The following PBX1 variants were observed in gnomAD, a reference collection of about 807,000 sequenced individuals.
The protein encoded by PBX1 is pre-B-cell leukemia transcription factor 1.
A neutral mutation model predicts 53.4 loss-of-function variants in PBX1; 6 were observed. That is an observed-to-expected ratio of 0.11 (90% confidence interval 0.06 to 0.22). PBX1 has a LOEUF of 0.22. Ranked by LOEUF, PBX1 falls within the 10% of genes least tolerant of loss-of-function variation. The pLI is 1.00. For missense variants in PBX1, 251 were observed against 551.4 expected (o/e 0.46, Z 5.46); for synonymous variants, 204 against 212.3 (o/e 0.96, Z 0.34).
intron 1 of PBX1, chr1:164,560,356 T>G (rs1046605732): frequency 2.5e-6 from 1 of 397,584 alleles, no homozygotes; most frequent in African/African-American, 2.1e-5. Flanking sequence ...TAAAAAAGTA[T>G]CAGAGAAAGC....
intron 1 of PBX1, among the ~76,000 whole-genome samples, chr1:164,560,947 T>G (rs1024340077): frequency 6.6e-6 from 1 of 152,194 alleles, no homozygotes; most frequent in Non-Finnish European, 1.5e-5. Context: ...TAATAAACTG[T>G]GTAGCCTCTC....
chr1:164,744,553 G>A (rs1349408853), intron 2 of PBX1, among the ~76,000 whole-genome samples: 1 of 152,158 alleles, frequency 6.6e-6, no homozygotes, highest in Non-Finnish European at 1.5e-5. Context: ...TAAGACAGAG[G>A]TAGGGTCTCA....
At chr1:164,635,787 C>T (rs757987234) in intron 2 of PBX1, among the ~76,000 whole-genome samples, 1 of 152,204 alleles carries the variant, frequency 6.6e-6, no homozygotes, top group Admixed American at 6.5e-5. Flanking sequence ...TCTCCTATAG[C>T]CAGACTCCTT....
chr1:164,855,904 G>C (rs766641240), downstream of PBX1, among the ~76,000 whole-genome samples: 4 of 152,070 alleles, frequency 2.6e-5, no homozygotes, highest in Non-Finnish European at 5.9e-5. Flanking sequence ...TGTAAAATGG[G>C]TCCTCTCCAG....
chr1:164,786,199 A>T (rs759345006), intron 2 of PBX1, among the ~76,000 whole-genome samples: 10 of 152,100 alleles, frequency 6.6e-5, no homozygotes, highest in Non-Finnish European at 1.2e-4. Flanking sequence ...TTGATTCTTT[A>T]TTATATTGCT....
At chr1:164,740,740 C>T (rs1250326657) in intron 2 of PBX1, among the ~76,000 whole-genome samples, 5 of 152,266 alleles carry the variant, frequency 3.3e-5, no homozygotes, top group Non-Finnish European at 7.3e-5. Flanking sequence ...TCTCAAGGAA[C>T]TTGCAGTTGG....
chr1:164,864,489 C>G (rs1672170746), intron 2 of PBX1, among the ~76,000 whole-genome samples: 1 of 152,152 alleles, frequency 6.6e-6, no homozygotes, highest in African/African-American at 2.4e-5. Flanking sequence ...ATATTTTAAT[C>G]TGATCATTAA....
At chr1:164,830,348 T>A (rs780853249) in intron 8 of PBX1, among the ~76,000 whole-genome samples, 18 of 152,156 alleles carry the variant, frequency 1.2e-4, no homozygotes, top group Non-Finnish European at 2.2e-4. Flanking sequence ...GTTAGAGGTG[T>A]CACCATGCTG....
At chr1:164,614,254 A>G (rs1322066941) in intron 2 of PBX1, among the ~76,000 whole-genome samples, 1 of 152,204 alleles carries the variant, frequency 6.6e-6, no homozygotes, top group Admixed American at 6.5e-5. Flanking sequence ...CTGATTTTAC[A>G]AATGAGGAGA....
chr1:164,580,677 A>G (rs892609249), intron 2 of PBX1, among the ~76,000 whole-genome samples: 2 of 151,986 alleles, frequency 1.3e-5, no homozygotes, highest in African/African-American at 4.8e-5. Context: ...CCTGGGTTCA[A>G]GCGATTCTCC....
intron 2 of PBX1, among the ~76,000 whole-genome samples, chr1:164,574,974 T>TA (rs78179062): frequency 6.6e-4 from 95 of 143,060 alleles, no homozygotes; most frequent in South Asian, 1.3e-3. Flanking sequence ...AGAGTGAGAC[T>TA]AAAAAAAAAA....
At chr1:164,820,604 A>G (rs1201196586) in intron 7 of PBX1, among the ~76,000 whole-genome samples, 1 of 152,196 alleles carries the variant, frequency 6.6e-6, no homozygotes, top group Non-Finnish European at 1.5e-5. Context: ...AAGCAAATAT[A>G]TTACTATCGG....
At position 164,849,670 on chromosome 1, in the gene PBX1, C is replaced by T. The variant is rs1213289; in HGVS notation, c.*2994C>T. 392,961 of 403,114 alleles carry T rather than the reference C, an allele frequency of 0.97. 192,293 individuals carry two copies. Among genetic ancestry groups the T allele is most frequent in the East Asian group, 1 (26,567 of 26,568 alleles). The allele number at this position is 403,114 out of a possible 1,614,324, so 25.0% of individuals were successfully genotyped here. A position where few individuals can be genotyped will look rare whatever the true frequency, so the allele number is the denominator to read the frequency against. ...TTATCTCCTCCTTTTCATCCCTAATCCATCCTCCCTCTGGCATGGAATTGA... is the reference window on the plus strand; with the variant it reads ...TTATCTCCTCCTTTTCATCCCTAATTCATCCTCCCTCTGGCATGGAATTGA... On this transcript the variant is annotated 3_prime_UTR_variant, in exon 9 of 9. Transcript: ENST00000420696.
chr1:164,606,362 C>A (rs111524522), intron 2 of PBX1, among the ~76,000 whole-genome samples: 5,548 of 152,122 alleles, frequency 0.036, 130 homozygotes, highest in African/African-American at 0.049. Context: ...TGGTGGTGGA[C>A]GCCTGTATTC....
intron 2 of PBX1, among the ~76,000 whole-genome samples, chr1:164,566,782 T>C (rs1182694352): frequency 6.6e-6 from 1 of 152,234 alleles, no homozygotes; most frequent in East Asian, 1.9e-4. Flanking sequence ...AGAATATTTA[T>C]AGATAGCAAT....
At chr1:164,675,365 C>A (rs1027832916) in intron 2 of PBX1, among the ~76,000 whole-genome samples, 16 of 151,998 alleles carry the variant, frequency 1.1e-4, no homozygotes, top group African/African-American at 3.6e-4. Context: ...AAAGTAATTG[C>A]GGTTTTTGCC....
chr1:164,858,582 T>C (rs1028822448), intron 2 of PBX1, among the ~76,000 whole-genome samples: 1 of 152,142 alleles, frequency 6.6e-6, no homozygotes, highest in Non-Finnish European at 1.5e-5. Context: ...GTTTCCTTTA[T>C]GGATCTTGTA....
intron 2 of PBX1, among the ~76,000 whole-genome samples, chr1:164,670,935 C>T (rs1053163523): frequency 2.0e-5 from 3 of 152,190 alleles, no homozygotes; most frequent in Non-Finnish European, 4.4e-5. Flanking sequence ...AATGCAGTTT[C>T]TGGTAAGTGT....
rs139433245 is a variant in PBX1 at position 164,796,199 on chromosome 1, T to C, written c.510+3461T>C. ...TAATTTTTTGTATTTTTAGTAGAGA[T>C]GAGGTTTCACCGTGTTAGCCAGGAT... On this transcript the variant is annotated intron_variant, in intron 3 of 8. Coordinates refer to ENST00000420696, the MANE Select transcript of PBX1 (RefSeq NM_002585.4). 3.1e-3 allele frequency among the ~76,000 whole-genome samples: 466 copies of C among 152,090 alleles called. 12 individuals carry two copies. In the South Asian group the frequency reaches 0.047, roughly 15 times the overall value.
Sources: gnomAD v4.1 joint callset for allele counts (sites outside exome capture counted in the v4.1 genomes callset) on GRCh38, gnomAD v4.1.1 for gene constraint, MANE v1.5 for transcripts, NCBI Gene and HGNC (gene_info 2026-07-23, HGNC 2026-07-21) for gene names.